The following CDC42BPB variants were observed in gnomAD, a reference collection of about 807,000 sequenced individuals.
CDC42BPB encodes the protein CDC42 binding protein kinase beta, also known as serine/threonine-protein kinase MRCK beta.
CDC42BPB carries 37 observed loss-of-function variants against 214.9 expected under a neutral mutation model. The ratio of observed to expected loss-of-function variants is 0.17; its 90% CI spans 0.13 to 0.23. The LOEUF (loss-of-function observed/expected upper bound fraction) is 0.23. Ranked by LOEUF, CDC42BPB falls within the 10% of genes least tolerant of loss-of-function variation. The pLI is 1.00. For synonymous variants in CDC42BPB, 931 were observed against 884.0 expected (o/e 1.05, Z -0.94); for missense variants, 1,694 against 2,227.0 (o/e 0.76, Z 4.82).
intron 1 of CDC42BPB, among the ~76,000 whole-genome samples, chr14:103,054,534 A>T (rs1595203603): frequency 6.6e-6 from 1 of 152,204 alleles, no homozygotes; most frequent in East Asian, 1.9e-4. Context: ...GTGCTTTCCA[A>T]TCGAAACAAC....
rs1277252912 is a variant in CDC42BPB at position 102,980,933 on chromosome 14, C to T, written c.980G>A (p.Arg327Gln). 2 of 1,614,064 alleles carry T rather than the reference C, an allele frequency of 1.2e-6. No homozygotes were observed. Among genetic ancestry groups the T allele is most frequent in the Non-Finnish European group, 8.5e-7 (1 of 1,180,054 alleles). ...ATCCTCTATTCCATTCTGCCCCAGC[C>T]GGCGTTCTCTACTGCAGATCAGTCT... ...IQRLICSRERRLGQNGIEDFK... is the reference protein window; with the variant it reads ...IQRLICSRERQLGQNGIEDFK... Residue 327 changes from arginine to glutamine, a missense_variant, in exon 8 of 37, where the codon CGG becomes CAG. Arg to Gln is a conservative substitution (Grantham distance 43). This residue lies in a region of CDC42BPB where 225 missense variants were observed against 459.3 expected (regional missense o/e 0.49). Transcript: ENST00000361246.
Position 103,051,074 on chromosome 14 carries a change from C to A in CDC42BPB, c.175+5925G>T, listed in dbSNP as rs1211982180. On this transcript the variant is annotated intron_variant, in intron 1 of 36. Coordinates refer to ENST00000361246, the MANE Select transcript of CDC42BPB (RefSeq NM_006035.4). ...ACCAATCAATAAAACTAACCAAAAA[C>A]CTAACCCCCAACACAGATTGTTTAA... 4.0e-5 allele frequency among the ~76,000 whole-genome samples: 6 copies of A among 150,054 alleles called. No individual in the cohort carries two copies. The East Asian group carries it at 7.8e-4, about 20-fold the overall frequency.
At chr14:102,950,082 C>T (rs1297649564) in intron 25 of CDC42BPB, 178 bp from the exon 26 acceptor site, 8 of 985,358 alleles carry the variant, frequency 8.1e-6, no homozygotes, top group African/African-American at 1.7e-5. Flanking sequence ...TGCGTGGCAG[C>T]AGACGGTGCC....
intron 35 of CDC42BPB, 43 bp downstream of exon 35, chr14:102,938,263 C>G: frequency 6.3e-7 from 1 of 1,598,930 alleles, no homozygotes; most frequent in Non-Finnish European, 8.5e-7. Flanking sequence ...ACCCCCTACC[C>G]CCCACCTCCC....
At chr14:103,036,601 T>TA (rs1034786758) in intron 1 of CDC42BPB, among the ~76,000 whole-genome samples, 1 of 151,954 alleles carries the variant, frequency 6.6e-6, no homozygotes, top group Admixed American at 6.6e-5. Flanking sequence ...AATACAGATT[T>TA]AAAAAAATAA....
chr14:103,023,879 G>C (rs1187220718), intron 1 of CDC42BPB, among the ~76,000 whole-genome samples: 1 of 152,094 alleles, frequency 6.6e-6, no homozygotes, highest in African/African-American at 2.4e-5. Flanking sequence ...AAAGACAAAA[G>C]GCAGCACACA....
At chr14:102,956,726 G>A (rs1320409689) in intron 21 of CDC42BPB, among the ~76,000 whole-genome samples, 3 of 152,148 alleles carry the variant, frequency 2.0e-5, no homozygotes, top group Non-Finnish European at 4.4e-5. Flanking sequence ...CTACTCAGGA[G>A]GCTGAGGCAG....
At chr14:103,027,027 AATC>A (rs1448350065) in intron 1 of CDC42BPB, among the ~76,000 whole-genome samples, 1 of 152,246 alleles carries the variant, frequency 6.6e-6, no homozygotes, top group Non-Finnish European at 1.5e-5. Context: ...AAAGGATCTG[AATC>A]ATCATTTCTC....
intron 12 of CDC42BPB, 59 bp from the exon 13 acceptor site, chr14:102,972,220 A>T (rs1023360996): frequency 3.8e-5 from 60 of 1,589,290 alleles, no homozygotes; most frequent in Non-Finnish European, 5.0e-5. Context: ...GGAAGGCTGG[A>T]GGTTCGGTCT....
intron 5 of CDC42BPB, among the ~76,000 whole-genome samples, chr14:102,992,754 TATATATATTCAAAAAA>T (rs1315145542): frequency 1.3e-5 from 2 of 149,490 alleles, no homozygotes; most frequent in Admixed American, 1.3e-4. Flanking sequence ...TATTCAAAAA[TATATATATTCAAAAAA>T]TATATATTAA....
Position 102,943,963 on chromosome 14 carries a change from G to A in CDC42BPB, c.4336C>T (p.Leu1446=). The A allele has an allele frequency of 6.2e-7, 1 of 1,612,988 alleles. No individual in the cohort carries two copies. Among genetic ancestry groups the A allele is most frequent in the South Asian group, 1.1e-5 (1 of 91,086 alleles). The change falls in exon 30 of 37, where the codon CTG becomes TTG. Residue 1446 remains leucine, a synonymous_variant. Transcript: ENST00000361246. This position sits in a 1 kb window ranked among gnomAD's most constrained non-coding sequence, Gnocchi z 4.6. ...EYLLCFSHMG[L]YVDPQGRRAR... Reference sequence around the variant, plus strand: ...CTCCGGCCTTGCGGGTCCACGTACAGTCCCATGTGGCTGAAGCAAAGCAGG... The same window carrying A: ...CTCCGGCCTTGCGGGTCCACGTACAATCCCATGTGGCTGAAGCAAAGCAGG...
chr14:103,057,486 G>A lies in CDC42BPB; in HGVS notation c.-313C>T. The A allele has an allele frequency of 5.1e-6, 1 of 194,830 alleles. No homozygotes were observed. The highest frequency in any genetic ancestry group is 9.1e-6 in the Non-Finnish European group (1 of 109,614). The allele number at this position is 194,830 out of a possible 1,614,324, so 12.1% of individuals were successfully genotyped here. A position where few individuals can be genotyped will look rare whatever the true frequency, so the allele number is the denominator to read the frequency against. Reference sequence around the variant, plus strand: ...CCGCGGCCGCGCCCTCCCCGCCGCCGCCGCCGCAGACTAGGAGCGGCGAGG... The same window carrying A: ...CCGCGGCCGCGCCCTCCCCGCCGCCACCGCCGCAGACTAGGAGCGGCGAGG... On this transcript the variant is annotated 5_prime_UTR_variant, in exon 1 of 37. Coordinates refer to ENST00000361246, the MANE Select transcript of CDC42BPB (RefSeq NM_006035.4).
chr14:102,964,492 C>T lies in CDC42BPB; in HGVS notation c.2726+10G>A, dbSNP rs2139443542. 2 of 1,612,956 alleles carry T rather than the reference C, an allele frequency of 1.2e-6. No individual in the cohort carries two copies. The highest frequency in any genetic ancestry group is 2.7e-5 in the African/African-American group (2 of 75,028). On this transcript the variant is annotated intron_variant, in intron 19 of 36. Coordinates refer to ENST00000361246, the MANE Select transcript of CDC42BPB (RefSeq NM_006035.4). ...GCTCCTACCTGGAGTCAGACCCTGG[C>T]ACCAAGTACCTTTCCAAGGTGAGGT...
At chr14:103,003,366 C>T (rs1377902987) in intron 4 of CDC42BPB, among the ~76,000 whole-genome samples, 1 of 152,352 alleles carries the variant, frequency 6.6e-6, no homozygotes, top group South Asian at 2.1e-4. Context: ...GAGGCGAACA[C>T]GCTTGACAAT....
At position 103,013,205 on chromosome 14, in the gene CDC42BPB, C is replaced by T. The variant is rs34687806; in HGVS notation, c.176-1017G>A. On this transcript the variant is annotated intron_variant, in intron 1 of 36. Coordinates refer to ENST00000361246, the MANE Select transcript of CDC42BPB (RefSeq NM_006035.4). ...TGAGGTGAGTGAGAGCTGAGCTCCA[C>T]CTGCCTGCACGCAGGAGCCACGGGG... Among the ~76,000 whole-genome samples the T allele has an allele frequency of 6.5e-3, 986 of 152,304 alleles. 4 individuals carry two copies. The highest frequency in any genetic ancestry group is 0.012 in the Non-Finnish European group (808 of 68,026).
chr14:103,030,468 T>C (rs1887302971), intron 1 of CDC42BPB, among the ~76,000 whole-genome samples: 1 of 152,136 alleles, frequency 6.6e-6, no homozygotes, highest in Non-Finnish European at 1.5e-5. Context: ...GACCAAGGTG[T>C]GTGGATCACC....
intron 1 of CDC42BPB, among the ~76,000 whole-genome samples, chr14:103,036,612 T>TA (rs1338647886): frequency 6.6e-6 from 1 of 151,726 alleles, no homozygotes; most frequent in African/African-American, 2.4e-5. Context: ...AAAAAAATAA[T>TA]AAAAAAAATG....
In CDC42BPB at chr14:103,057,343, G is replaced by A. The variant is rs1889044926; in HGVS notation, c.-170C>T. The A allele has an allele frequency of 9.8e-7, 1 of 1,024,852 alleles. No individual in the cohort carries two copies. Among genetic ancestry groups the A allele is most frequent in the Admixed American group, 5.8e-5 (1 of 17,332 alleles). The allele number at this position is 1,024,852 out of a possible 1,614,324, so 63.5% of individuals were successfully genotyped here. ...GGCCTAGGCCGACATCTTGGGCTCC[G>A]TCCCGACGGCGCAGAGTCTGGGGCG... On this transcript the variant is annotated 5_prime_UTR_variant, in exon 1 of 37. In the 5' UTR this introduces an upstream ATG that the reference lacks. Coordinates refer to ENST00000361246, the MANE Select transcript of CDC42BPB (RefSeq NM_006035.4).
intron 8 of CDC42BPB, among the ~76,000 whole-genome samples, chr14:102,980,261 G>A (rs1893937384): frequency 1.3e-5 from 2 of 152,242 alleles, no homozygotes; most frequent in African/African-American, 2.4e-5. Context: ...TTGGGAGGCA[G>A]AGGTGGGCGG....
Sources: allele counts gnomAD v4.1 joint callset (sites outside exome capture counted in the v4.1 genomes callset), GRCh38; gene constraint gnomAD v4.1.1; regional missense constraint gnomAD v4.1.1; non-coding constraint Gnocchi (gnomAD v3.1); transcripts MANE v1.5; gene names NCBI Gene and HGNC (gene_info 2026-07-23, HGNC 2026-07-21).